ACOXL: variants seen among roughly 807,000 people sequenced by gnomAD.
ACOXL encodes the protein acyl-coenzyme A oxidase-like protein.
Under a neutral mutation model 71.9 loss-of-function variants are expected in ACOXL, and 70 were observed. The observed-to-expected ratio is 0.97, with a 90% CI of 0.80 to 1.19. ACOXL has a LOEUF of 1.19. Ranked by LOEUF, ACOXL falls within the 50% of genes most tolerant of loss-of-function variation. The probability of loss-of-function intolerance (pLI) is 0.00; values close to 1 mark genes in which losing one functional copy is unlikely to be tolerated. For missense variants in ACOXL, 703 were observed against 736.3 expected (o/e 0.95, Z 0.52); for synonymous variants, 253 against 281.6 (o/e 0.90, Z 1.02).
intron 1 of ACOXL, among the ~76,000 whole-genome samples, chr2:110,765,774 C>G (rs1003167465): frequency 1.3e-5 from 2 of 152,174 alleles, no homozygotes; most frequent in African/African-American, 4.8e-5. Context: ...CTGCTCATGA[C>G]TTAATCATCT....
chr2:110,937,426 A>C (rs1338779385), intron 12 of ACOXL, among the ~76,000 whole-genome samples: 1 of 152,202 alleles, frequency 6.6e-6, no homozygotes, highest in African/African-American at 2.4e-5. Context: ...CTGTGCCAGG[A>C]ACCAGGGATG....
chr2:111,066,640 A>T (rs568668941), intron 16 of ACOXL, among the ~76,000 whole-genome samples: 1 of 152,342 alleles, frequency 6.6e-6, no homozygotes, highest in South Asian at 2.1e-4. Context: ...TACATAAAAA[A>T]GCTTAAAAAT....
At chr2:110,838,183 G>A (rs772832976) in intron 9 of ACOXL, among the ~76,000 whole-genome samples, 2 of 152,216 alleles carry the variant, frequency 1.3e-5, no homozygotes, top group Non-Finnish European at 2.9e-5. Context: ...ATGCATGTAT[G>A]CACATGTGAA....
chr2:110,768,403 C>T lies in ACOXL; in HGVS notation c.14C>T (p.Thr5Ile), dbSNP rs1387427102. ...AGCTTGGATGAAATGAGAGCTTTGA[C>T]AGTTCAGAGAGTGAAGTTTGCCATG... MRAL[T>I]VQRVKFAMDL... The change falls in exon 2 of 18, where the codon ACA (threonine) becomes ATA (isoleucine). Residue 5 changes from threonine to isoleucine, a missense_variant. Physicochemically the swap from Thr to Ile is moderately conservative, Grantham distance 89 (BLOSUM62 -1). Transcript: ENST00000439055. 2 of 1,613,894 alleles carry T rather than the reference C, an allele frequency of 1.2e-6. No individual in the cohort carries two copies. Among genetic ancestry groups the T allele is most frequent in the African/African-American group, 1.3e-5 (1 of 74,950 alleles).
chr2:110,931,002 A>G (rs1281460439), intron 11 of ACOXL, among the ~76,000 whole-genome samples: 1 of 152,252 alleles, frequency 6.6e-6, no homozygotes, highest in Non-Finnish European at 1.5e-5. Flanking sequence ...TAACCCATAA[A>G]CAAATACCTT....
intron 2 of ACOXL, among the ~76,000 whole-genome samples, chr2:110,780,859 C>T (rs1220538469): frequency 6.6e-6 from 1 of 151,746 alleles, no homozygotes; most frequent in African/African-American, 2.4e-5. Flanking sequence ...CATGGTGAGA[C>T]CCTAGTTTCC....
chr2:110,788,178 C>A (rs548219205), intron 3 of ACOXL, among the ~76,000 whole-genome samples: 1 of 152,212 alleles, frequency 6.6e-6, no homozygotes, highest in Non-Finnish European at 1.5e-5. Flanking sequence ...GAAATAGATA[C>A]TTGTGTGCCA....
At chr2:111,109,986 G>GT (rs2069834004) in intron 17 of ACOXL, among the ~76,000 whole-genome samples, 1 of 151,972 alleles carries the variant, frequency 6.6e-6, no homozygotes, top group Admixed American at 6.6e-5. Context: ...CCTTCTCCTT[G>GT]TAAATTCTTG....
intron 11 of ACOXL, among the ~76,000 whole-genome samples, chr2:110,914,413 A>C (rs1392676524): frequency 6.6e-6 from 1 of 152,232 alleles, no homozygotes; most frequent in Non-Finnish European, 1.5e-5. Flanking sequence ...TTTATAATTT[A>C]CAGTGTAGAA....
intron 10 of ACOXL, among the ~76,000 whole-genome samples, chr2:110,895,992 C>T (rs1447062968): frequency 6.6e-6 from 1 of 152,132 alleles, no homozygotes; most frequent in African/African-American, 2.4e-5. Flanking sequence ...GACTTTCCAT[C>T]TCCTCTTGAG....
chr2:110,752,278 G>A (rs1679086553), intron 1 of ACOXL, among the ~76,000 whole-genome samples: 1 of 151,980 alleles, frequency 6.6e-6, no homozygotes, highest in South Asian at 2.1e-4. Flanking sequence ...AAAGTGCTGG[G>A]ATTACAGATG....
chr2:110,932,644 TG>T (rs2060517658), intron 11 of ACOXL, among the ~76,000 whole-genome samples: 1 of 152,204 alleles, frequency 6.6e-6, no homozygotes, highest in Non-Finnish European at 1.5e-5. Context: ...AAGAGGCATG[TG>T]AAACCTTTTG....
intron 16 of ACOXL, among the ~76,000 whole-genome samples, chr2:111,085,511 A>G (rs546720285): frequency 1.3e-5 from 2 of 152,364 alleles, no homozygotes; most frequent in African/African-American, 4.8e-5. Context: ...GCAGATTTCA[A>G]GAAGTTCTTT....
At chr2:110,825,863 C>G (rs1341228489) in intron 9 of ACOXL, among the ~76,000 whole-genome samples, 1 of 152,128 alleles carries the variant, frequency 6.6e-6, no homozygotes, top group Non-Finnish European at 1.5e-5. Flanking sequence ...AGCATGGTTT[C>G]TTTGTCCTTC....
intron 8 of ACOXL, among the ~76,000 whole-genome samples, chr2:110,804,459 A>C (rs916982809): frequency 6.6e-6 from 1 of 152,082 alleles, no homozygotes; most frequent in Non-Finnish European, 1.5e-5. Context: ...CAGCAATTCT[A>C]CTCCTAGGTA....
intron 16 of ACOXL, among the ~76,000 whole-genome samples, chr2:111,053,596 C>T (rs1008757688): frequency 3.9e-5 from 6 of 152,190 alleles, no homozygotes; most frequent in African/African-American, 9.7e-5. Context: ...GGATTGTCCC[C>T]TCTTAAAAAT....
intron 2 of ACOXL, 86 bp from the exon 3 acceptor site, chr2:110,784,646 T>C (rs1347701866): frequency 1.0e-6 from 1 of 977,186 alleles, no homozygotes. Context: ...ATTATAAAAG[T>C]AACATGCATT....
At position 110,779,152 on chromosome 2, in the gene ACOXL, G is replaced by A. The variant is rs1229564684; in HGVS notation, c.76-5580G>A. Among the ~76,000 whole-genome samples the A allele has an allele frequency of 3.3e-5, 5 of 152,216 alleles. No homozygotes were observed. In the South Asian group the frequency reaches 1.0e-3, roughly 32 times the overall value. ...AAAATATCTTTAGACAGAGCCATGG[G>A]AATGTCACCTTTCATCAATCCTGCA... On this transcript the variant is annotated intron_variant, in intron 2 of 17. Transcript: ENST00000439055.
rs759185247 is a variant in ACOXL at position 110,846,951 on chromosome 2, C to T, written c.788+5546C>T. The stretch of plus-strand genomic sequence containing the variant: ...TGCGCGCTTAACAACAGGTCCTGCT[C>T]ATGTTTCGTTTATTATCATGGCGCT... On this transcript the variant is annotated intron_variant, in intron 10 of 17. Coordinates refer to ENST00000439055, the MANE Select transcript of ACOXL (RefSeq NM_001142807.4). Among the ~76,000 whole-genome samples, 4 of 152,180 alleles carry T rather than the reference C, an allele frequency of 2.6e-5. No homozygotes were observed. In the South Asian group the frequency reaches 6.2e-4, roughly 24 times the overall value.
Sources: gnomAD v4.1 joint callset for allele counts (sites outside exome capture counted in the v4.1 genomes callset) on GRCh38, gnomAD v4.1.1 for gene constraint, MANE v1.5 for transcripts, NCBI Gene and HGNC (gene_info 2026-07-23, HGNC 2026-07-21) for gene names.